Variants in CST8 observed in about 807,000 individuals in gnomAD.
The protein encoded by CST8 is cystatin 8.
In CST8, 20 loss-of-function variants were observed where a neutral mutation model predicts 11.8. The ratio of observed to expected loss-of-function variants is 1.70; its 90% CI spans 1.20 to 2.47. The LOEUF is 2.47. Among genes scored for constraint, CST8 ranks in the 30% most tolerant of loss-of-function variants. The pLI, the probability that CST8 is intolerant of heterozygous loss-of-function variation, is 0.00. For synonymous variants in CST8, 77 were observed against 63.1 expected, an observed-to-expected ratio of 1.22 and a Z score of -1.05; for missense variants, 196 against 167.2, an observed-to-expected ratio of 1.17 and a Z score of -0.95.
In CST8 at chr20:23,491,884, C is replaced by G; in HGVS notation, c.217C>G (p.Gln73Glu). The change falls in exon 2 of 4, where the codon CAA (glutamine) becomes GAA (glutamate). Residue 73 changes from glutamine (Q) to glutamate (E), a missense_variant. By Grantham distance (29) the Gln-to-Glu change is conservative (BLOSUM62 2). Transcript: ENST00000246012. ...KYVFLVVKTL[Q>E]AQLQVTNLLE... ...TGTCTTCCTGGTGGTCAAGACACTG[C>G]AAGCCCAGCTTCAGGTAAAGGTGTC... 1 of 1,613,562 alleles carries G rather than the reference C, an allele frequency of 6.2e-7. No individual in the cohort carries two copies. The highest frequency in any genetic ancestry group is 1.1e-5 in the South Asian group (1 of 91,072).
rs1263280231 is a variant in CST8 at position 23,495,908 on chromosome 20, T to C, written c.423T>C (p.Asp141=). 2.5e-6 allele frequency: 4 copies of C among 1,610,868 alleles called. No individual in the cohort carries two copies. The highest frequency in any genetic ancestry group is 3.4e-6 in the Non-Finnish European group (4 of 1,178,642). Residue 141 remains aspartate (D), a synonymous_variant, in exon 4 of 4, where the codon GAT becomes GAC. Coordinates refer to ENST00000246012, the MANE Select transcript of CST8 (RefSeq NM_005492.4). ...CTGTGATGGAGAAAAAGTGTGAAGA[T>C]GCTTAATGGTGTTTTGAGGCATCCC... The part of the protein sequence containing the change: ...EFTVMEKKCE[D]A
chr20:23,503,882 C>T, the CST8 span, among the ~76,000 whole-genome samples: 1 of 152,100 alleles, frequency 6.6e-6, no homozygotes, highest in Non-Finnish European at 1.5e-5. Context: ...TCATGGCGGG[C>T]GGGTCAAGGA....
At chr20:23,503,941 C>T in the CST8 span, among the ~76,000 whole-genome samples, 17 of 152,216 alleles carry the variant, frequency 1.1e-4, no homozygotes, top group African/African-American at 4.1e-4. Flanking sequence ...CACGTCATTG[C>T]TCACCCTGGT....
the CST8 span, among the ~76,000 whole-genome samples, chr20:23,503,604 A>G: frequency 6.6e-6 from 1 of 152,212 alleles, no homozygotes; most frequent in African/African-American, 2.4e-5. Flanking sequence ...AGAGCTAAAG[A>G]CTGAGAAATC....
At chr20:23,493,154 T>C (rs375288599) in intron 3 of CST8, 83 bp downstream of exon 3, 17 of 886,056 alleles carry the variant, frequency 1.9e-5, no homozygotes, top group Non-Finnish European at 3.0e-5. Flanking sequence ...ACCTTCTCTT[T>C]GAGGTCTGGG....
At chr20:23,505,451 G>A in the CST8 span, among the ~76,000 whole-genome samples, 1 of 151,990 alleles carries the variant, frequency 6.6e-6, no homozygotes, top group African/African-American at 2.4e-5. Flanking sequence ...GCCACAAGAA[G>A]CATTCTTGAC....
At chr20:23,504,828 A>G in the CST8 span, among the ~76,000 whole-genome samples, 1 of 152,124 alleles carries the variant, frequency 6.6e-6, no homozygotes, top group Admixed American at 6.5e-5. Context: ...TTTAACATTA[A>G]ATATGTCACA....
chr20:23,500,764 G>A (rs1005929367), downstream of CST8, among the ~76,000 whole-genome samples: 14 of 151,184 alleles, frequency 9.3e-5, no homozygotes, highest in Middle Eastern at 3.2e-3. Context: ...TGGCTGGGTG[G>A]GGGGGTGCAG....
chr20:23,502,713 A>G, the CST8 span, among the ~76,000 whole-genome samples: 1 of 152,194 alleles, frequency 6.6e-6, no homozygotes, highest in Non-Finnish European at 1.5e-5. Context: ...CACTTCATAT[A>G]TAAACTGTTG....
chr20:23,495,764 GT>G, intron 3 of CST8, 66 bp from the exon 4 acceptor site: 1 of 1,183,808 alleles, frequency 8.4e-7, no homozygotes, highest in Non-Finnish European at 1.2e-6. Flanking sequence ...CAGGACAATT[GT>G]TTTTCTTTTC....
At chr20:23,494,857 G>A (rs1445335870) in intron 3 of CST8, among the ~76,000 whole-genome samples, 2 of 152,194 alleles carry the variant, frequency 1.3e-5, no homozygotes, top group Admixed American at 6.5e-5. Flanking sequence ...ATACAGGCTT[G>A]TTATATGTAA....
downstream of CST8, among the ~76,000 whole-genome samples, chr20:23,498,512 T>C (rs1988112019): frequency 6.6e-6 from 1 of 152,204 alleles, no homozygotes; most frequent in African/African-American, 2.4e-5. Flanking sequence ...TTCCTCTGAC[T>C]TAGCCAATGC....
At chr20:23,497,182 C>T (rs566266671), downstream of CST8, among the ~76,000 whole-genome samples, 1 of 152,334 alleles carries the variant, frequency 6.6e-6, no homozygotes, top group Admixed American at 6.5e-5. Context: ...GCAGTAAAGA[C>T]AGGCATAAGA....
chr20:23,493,750 G>C (rs117888587), intron 3 of CST8, among the ~76,000 whole-genome samples: 4,158 of 152,254 alleles, frequency 0.027, 87 homozygotes, highest in African/African-American at 0.055. Context: ...ACAGATGAAG[G>C]CCTGAGCATT....
rs568195983 is a variant in CST8 at position 23,493,143 on chromosome 20, G to A, written c.345+72G>A. The A allele has an allele frequency of 9.5e-5, 91 of 958,692 alleles. No homozygotes were observed. In the Middle Eastern group the frequency reaches 1.9e-3, roughly 20 times the overall value. 59.4% of individuals were successfully genotyped at this position (958,692 alleles called of 1,614,324 possible). On this transcript the variant is annotated intron_variant, in intron 3 of 3. Transcript: ENST00000246012. ...CCAAGAGAGAAAGCTGAGGCACGCA[G>A]ACCTTCTCTTTGAGGTCTGGGTGGC...
downstream of CST8, among the ~76,000 whole-genome samples, chr20:23,497,987 A>ATG (rs11471783): frequency 0.026 from 3,975 of 150,292 alleles, 83 homozygotes; most frequent in African/African-American, 0.056. Context: ...ATGTGTGTGC[A>ATG]TGTGTGTGTG....
At chr20:23,492,111 A>G (rs1046820704) in intron 2 of CST8, among the ~76,000 whole-genome samples, 1 of 152,238 alleles carries the variant, frequency 6.6e-6, no homozygotes, top group Admixed American at 6.5e-5. Context: ...AGTCCTTCGC[A>G]TAGATTAACT....
chr20:23,501,219 G>A, the CST8 span, among the ~76,000 whole-genome samples: 1 of 152,172 alleles, frequency 6.6e-6, no homozygotes, highest in African/African-American at 2.4e-5. Flanking sequence ...CAATAACTAC[G>A]ACTCCTCCAG....
Position 23,491,703 on chromosome 20 carries a change from C to T in CST8, c.36C>T (p.Leu12=), listed in dbSNP as rs1417028401. Reference sequence around the variant, plus strand: ...GCCGGTGGCTCTCCCTGATCCTCCTCACCATTCCCCTGGCCCTGGTGGCCA... The same window carrying T: ...GCCGGTGGCTCTCCCTGATCCTCCTTACCATTCCCCTGGCCCTGGTGGCCA... ...PRCRWLSLIL[L]TIPLALVARK... Residue 12 remains leucine (L), a synonymous_variant, in exon 2 of 4, where the codon CTC becomes CTT. Transcript: ENST00000246012. The T allele has an allele frequency of 1.2e-6, 2 of 1,614,022 alleles. No individual in the cohort carries two copies. The highest frequency in any genetic ancestry group is 2.2e-5 in the East Asian group (1 of 44,856).
Sources: allele counts gnomAD v4.1 joint callset (sites outside exome capture counted in the v4.1 genomes callset), GRCh38; gene constraint gnomAD v4.1.1; transcripts MANE v1.5; gene names NCBI Gene and HGNC (gene_info 2026-07-23, HGNC 2026-07-21).